Variants in PIKFYVE observed in about 807,000 individuals in gnomAD.
PIKFYVE encodes phosphoinositide kinase, FYVE-type zinc finger containing.
A neutral mutation model predicts 257.9 loss-of-function variants in PIKFYVE; 122 were observed. The observed-to-expected ratio is 0.47, with a 90% CI of 0.41 to 0.55. The LOEUF (loss-of-function observed/expected upper bound fraction) is 0.55, where lower values mean the gene tolerates loss of function less well. Ranked by LOEUF, PIKFYVE falls within the 20% of genes least tolerant of loss-of-function variation. PIKFYVE has a pLI of 0.00. For missense variants in PIKFYVE, 2,160 were observed against 2,536.6 expected, an observed-to-expected ratio of 0.85 and a Z score of 3.19; for synonymous variants, 892 against 868.9, an observed-to-expected ratio of 1.03 and a Z score of -0.47.
rs537619982 is a variant in PIKFYVE at position 208,347,711 on chromosome 2, G to A, written c.5210-148G>A. On this transcript the variant is annotated intron_variant, in intron 34 of 41. Coordinates refer to ENST00000264380, the MANE Select transcript of PIKFYVE (RefSeq NM_015040.4). ...GTGAAACAATAAGTAACAACATGAA[G>A]GACAATGTGCAAACAAAAGTATTTG... 8 of 720,364 alleles carry A rather than the reference G, an allele frequency of 1.1e-5. No individual in the cohort carries two copies. In the South Asian group the frequency reaches 1.4e-4, roughly 13 times the overall value. The allele number at this position is 720,364 out of a possible 1,614,324, so 44.6% of individuals were successfully genotyped here.
rs142141994 is a variant in PIKFYVE at position 208,285,953 on chromosome 2, A to G, written c.821+20A>G. The stretch of plus-strand genomic sequence containing the variant: ...GCAAAGGTATTGTCCCTTAAATATA[A>G]TTTTATTTAGAGTTGAAAAATATCG... On this transcript the variant is annotated intron_variant, in intron 6 of 41. Transcript: ENST00000264380. 3.7e-6 allele frequency: 6 copies of G among 1,605,900 alleles called. 1 individual carries two copies. In the African/African-American group the frequency reaches 8.0e-5, roughly 21 times the overall value.
rs1396800192 is a variant in PIKFYVE at position 208,271,768 on chromosome 2, A to G, written c.172+77A>G. 6.5e-6 allele frequency: 9 copies of G among 1,390,354 alleles called. No individual in the cohort carries two copies. In the East Asian group the frequency reaches 9.3e-5, roughly 14 times the overall value. The allele number at this position is 1,390,354 out of a possible 1,614,324, so 86.1% of individuals were successfully genotyped here. ...GCTCCTTTGTCTCCAGTGGCTCACC[A>G]TGATCATATAGTGGTTAGTACTCTG... On this transcript the variant is annotated intron_variant, in intron 2 of 41. Coordinates refer to ENST00000264380, the MANE Select transcript of PIKFYVE (RefSeq NM_015040.4).
intron 4 of PIKFYVE, among the ~76,000 whole-genome samples, chr2:208,277,280 T>A: frequency 6.6e-6 from 1 of 152,182 alleles, no homozygotes; most frequent in Middle Eastern, 3.2e-3. Context: ...TCCATACCTT[T>A]ATTTTTTTCT....
intron 29 of PIKFYVE, among the ~76,000 whole-genome samples, chr2:208,339,199 G>A (rs1458187030): frequency 5.3e-5 from 8 of 152,114 alleles, no homozygotes; most frequent in South Asian, 2.1e-4. Context: ...TGACAGTTGC[G>A]GTACTGCTAC....
In PIKFYVE at chr2:208,273,567, G is replaced by T. The variant is rs1689706168; in HGVS notation, c.173-17G>T. 6.2e-7 allele frequency: 1 copy of T among 1,613,872 alleles called. No individual in the cohort carries two copies. Among genetic ancestry groups the T allele is most frequent in the Non-Finnish European group, 8.5e-7 (1 of 1,180,006 alleles). ...ACTCTCAGTCTTTAAATAATGCCAA[G>T]CGTTCCCTTGCTACAGAGAGAGCAG... On this transcript the variant is annotated splice_polypyrimidine_tract_variant and intron_variant, in intron 2 of 41. Transcript: ENST00000264380.
At position 208,340,148 on chromosome 2, in the gene PIKFYVE, C is replaced by T. The variant is rs1399042904; in HGVS notation, c.4931+17C>T. On this transcript the variant is annotated intron_variant, in intron 31 of 41. Transcript: ENST00000264380. ...ATTTCCTTTGTAAGTATTATTAAAA[C>T]CAGTGGCTCTTAGCAGGGGGGTTAT... 2 of 1,613,522 alleles carry T rather than the reference C, an allele frequency of 1.2e-6. No homozygotes were observed. The highest frequency in any genetic ancestry group is 1.7e-6 in the Non-Finnish European group (2 of 1,179,542).
intron 1 of PIKFYVE, among the ~76,000 whole-genome samples, chr2:208,270,147 T>G (rs1689226853): frequency 6.6e-6 from 1 of 150,954 alleles, no homozygotes. Context: ...GTTCCAGCGA[T>G]TCTCCTGCCT....
chr2:208,296,439 C>T (rs1205181674), intron 7 of PIKFYVE, among the ~76,000 whole-genome samples: 1 of 152,146 alleles, frequency 6.6e-6, no homozygotes, highest in African/African-American at 2.4e-5. Flanking sequence ...GGTGGAATTA[C>T]CAACTGGGAG....
At position 208,335,914 on chromosome 2, in the gene PIKFYVE, T is replaced by G. The variant is rs374454720; in HGVS notation, c.4365+13T>G. 24 of 1,599,874 alleles carry G rather than the reference T, an allele frequency of 1.5e-5. No individual in the cohort carries two copies. Among genetic ancestry groups the G allele is most frequent in the Non-Finnish European group, 2.0e-5 (23 of 1,168,382 alleles). ...TGCACAGAAAGAGGTAATTTATTTCTTTGGTAGAAAATTCAAAAGTTAATT... is the reference window on the plus strand; with the variant it reads ...TGCACAGAAAGAGGTAATTTATTTCGTTGGTAGAAAATTCAAAAGTTAATT... On this transcript the variant is annotated intron_variant, in intron 26 of 41. Transcript: ENST00000264380.
chr2:208,341,288 C>T (rs1698676642), intron 31 of PIKFYVE, among the ~76,000 whole-genome samples: 1 of 152,020 alleles, frequency 6.6e-6, no homozygotes, highest in Non-Finnish European at 1.5e-5. Flanking sequence ...GCTACTGGAC[C>T]CGGCCCTTTA....
At chr2:208,297,710 A>G (rs1460073236) in intron 7 of PIKFYVE, among the ~76,000 whole-genome samples, 1 of 152,226 alleles carries the variant, frequency 6.6e-6, no homozygotes, top group Non-Finnish European at 1.5e-5. Flanking sequence ...TATGTAGTCT[A>G]ACATATCATA....
At chr2:208,281,275 A>C (rs73983729) in intron 5 of PIKFYVE, among the ~76,000 whole-genome samples, 3 of 152,204 alleles carry the variant, frequency 2.0e-5, no homozygotes, top group African/African-American at 7.2e-5. Context: ...CTTTTGGTCT[A>C]TGTTTCAGCC....
chr2:208,276,941 C>CCAGCTG, intron 4 of PIKFYVE, 111 bp downstream of exon 4: 1 of 816,854 alleles, frequency 1.2e-6, no homozygotes, highest in Non-Finnish European at 2.0e-6. Context: ...AGCGCTTCCT[C>CCAGCTG]CAGCTGTGAG....
At chr2:208,329,785 G>T in intron 21 of PIKFYVE, 57 bp from the exon 22 acceptor site, 2 of 1,597,274 alleles carry the variant, frequency 1.3e-6, no homozygotes, top group South Asian at 1.1e-5. Flanking sequence ...GTGGTCTCAT[G>T]AAATGTCTCT....
At chr2:208,311,278 G>A (rs765405072) in intron 12 of PIKFYVE, among the ~76,000 whole-genome samples, 2 of 152,148 alleles carry the variant, frequency 1.3e-5, no homozygotes, top group Non-Finnish European at 2.9e-5. Context: ...GAAATAAAGT[G>A]TAACATCTAT....
At chr2:208,269,587 A>G in intron 1 of PIKFYVE, 1 of 285,778 alleles carries the variant, frequency 3.5e-6, no homozygotes, top group Non-Finnish European at 7.0e-6. Context: ...GAAAGTCTTG[A>G]AGTCCACATG....
chr2:208,356,783 T>A lies in PIKFYVE; in HGVS notation c.*1478T>A, dbSNP rs751740721. On this transcript the variant is annotated 3_prime_UTR_variant, in exon 42 of 42. Transcript: ENST00000264380. ...TTGAGGAAATACTGTAACCCCAGAA[T>A]ATTTCCTCTTGACTTCTTTTTGTAA... 3 of 152,708 alleles carry A rather than the reference T, an allele frequency of 2.0e-5. No individual in the cohort carries two copies. The highest frequency in any genetic ancestry group is 7.2e-5 in the African/African-American group (3 of 41,476). The allele number at this position is 152,708 out of a possible 1,614,324, so 9.5% of individuals were successfully genotyped here.
At chr2:208,351,609 A>T (rs1381387734) in intron 38 of PIKFYVE, among the ~76,000 whole-genome samples, 154 bp downstream of exon 38, 1 of 152,160 alleles carries the variant, frequency 6.6e-6, no homozygotes, top group African/African-American at 2.4e-5. Flanking sequence ...ATAGTTCTGC[A>T]GGCTGTGTAT....
At chr2:208,335,118 C>G (rs1369481125) in intron 24 of PIKFYVE, among the ~76,000 whole-genome samples, 188 bp from the exon 25 acceptor site, 1 of 152,090 alleles carries the variant, frequency 6.6e-6, no homozygotes, top group Non-Finnish European at 1.5e-5. Flanking sequence ...AAAACAAAAT[C>G]CCTCCAGAAT....
Sources: gnomAD v4.1 joint callset for allele counts (sites outside exome capture counted in the v4.1 genomes callset) on GRCh38, gnomAD v4.1.1 for gene constraint, MANE v1.5 for transcripts, NCBI Gene and HGNC (gene_info 2026-07-23, HGNC 2026-07-21) for gene names.